Variants in NME5 observed in about 807,000 individuals in gnomAD.
NME5 encodes the protein nucleoside diphosphate kinase 5.
Under a neutral mutation model 21.6 loss-of-function variants are expected in NME5, and 18 were observed. That is an observed-to-expected ratio of 0.83 (90% CI 0.58 to 1.24). The LOEUF is 1.24. Among genes scored for constraint, NME5 ranks in the 50% most tolerant of loss-of-function variants. The pLI, the probability that NME5 is intolerant of heterozygous loss-of-function variation, is 0.00. For missense variants in NME5, 223 were observed against 255.4 expected, an observed-to-expected ratio of 0.87 and a Z score of 0.86; for synonymous variants, 70 against 80.6, an observed-to-expected ratio of 0.87 and a Z score of 0.71.
intron 2 of NME5, among the ~76,000 whole-genome samples, chr5:138,133,674 G>A (rs1331882273): frequency 2.0e-5 from 3 of 152,130 alleles, no homozygotes; most frequent in African/African-American, 4.8e-5. Context: ...TTTCCCTTAA[G>A]TGGGACAGGA....
chr5:138,132,946 T>G (rs435570), intron 2 of NME5, among the ~76,000 whole-genome samples: 45,043 of 152,016 alleles, frequency 0.3, 7,591 homozygotes, highest in South Asian at 0.43. Flanking sequence ...TAGCGTTTTT[T>G]TTTTTTGTTT....
intron 2 of NME5, among the ~76,000 whole-genome samples, chr5:138,134,941 G>C (rs1156428884): frequency 1.3e-5 from 2 of 149,348 alleles, no homozygotes. Flanking sequence ...CTGACCTTGT[G>C]ATCTGCCCGC....
chr5:138,129,251 C>T lies in NME5; in HGVS notation c.335+12G>A. 6.3e-7 allele frequency: 1 copy of T among 1,592,540 alleles called. No homozygotes were observed. Among genetic ancestry groups the T allele is most frequent in the Non-Finnish European group, 8.6e-7 (1 of 1,160,626 alleles). On this transcript the variant is annotated intron_variant, in intron 3 of 5. Coordinates refer to ENST00000265191, the MANE Select transcript of NME5 (RefSeq NM_003551.3). The stretch of plus-strand genomic sequence containing the variant: ...TTCCATTCCCTGCCATCCCCCAAAC[C>T]CTGAAAATTACCTGTCTGGATGTGT...
chr5:138,131,204 T>TAAAAAAAAAAAAAAAAA (rs762579967), intron 2 of NME5, among the ~76,000 whole-genome samples: 3 of 80,878 alleles, frequency 3.7e-5, no homozygotes, highest in African/African-American at 1.8e-4. Context: ...CCGTCTCTGC[T>TAAAAAAAAAAAAAAAAA]AAAAAAAAAA....
At chr5:138,122,642 A>G (rs534302366) in intron 4 of NME5, among the ~76,000 whole-genome samples, 305 of 150,250 alleles carry the variant, frequency 2.0e-3, no homozygotes, top group Middle Eastern at 6.9e-3. Context: ...CATTATGCCA[A>G]TTTATCAGGT....
intron 5 of NME5, chr5:138,116,802 A>C (rs1392992958): frequency 6.5e-6 from 1 of 153,804 alleles, no homozygotes; most frequent in Non-Finnish European, 1.5e-5. Context: ...AACAGATGGT[A>C]CTAGGACAAT....
At chr5:138,120,178 C>T (rs1421430825) in intron 4 of NME5, among the ~76,000 whole-genome samples, 3 of 151,648 alleles carry the variant, frequency 2.0e-5, no homozygotes, top group Non-Finnish European at 4.4e-5. Flanking sequence ...AATCCTCCCA[C>T]CTCAGCCTCC....
rs1358259341 is a variant in NME5, at chr5:138,139,354, C to G, written c.-6+17G>C. On this transcript the variant is annotated intron_variant, in intron 1 of 5. Coordinates refer to ENST00000265191, the MANE Select transcript of NME5 (RefSeq NM_003551.3). ...TGCACCTGCAAATTCTGAATTTGAC[C>G]CTCTCTAAGTACTCACCTCAGCGGC... The G allele has an allele frequency of 3.0e-6, 3 of 985,820 alleles. No homozygotes were observed. The African/African-American group carries it at 5.2e-5, about 17-fold the overall frequency. 61.1% of individuals were successfully genotyped at this position (985,820 alleles called of 1,614,324 possible). A position where few individuals can be genotyped will look rare whatever the true frequency, so the allele number is the denominator to read the frequency against.
intron 3 of NME5, among the ~76,000 whole-genome samples, chr5:138,128,998 T>G (rs1043594640): frequency 6.6e-6 from 1 of 152,208 alleles, no homozygotes; most frequent in African/African-American, 2.4e-5. Flanking sequence ...AGTGGCAGTT[T>G]AAAGGTTGAG....
At chr5:138,120,529 C>T (rs963083525) in intron 4 of NME5, among the ~76,000 whole-genome samples, 57 of 152,134 alleles carry the variant, frequency 3.7e-4, no homozygotes, top group African/African-American at 1.3e-3. Flanking sequence ...TGAGCCACCG[C>T]GCCCAGCCTC....
At chr5:138,116,765 T>C (rs1751166173) in intron 5 of NME5, 1 of 153,786 alleles carries the variant, frequency 6.5e-6, no homozygotes, top group Non-Finnish European at 1.5e-5. Context: ...TTGGTACCAC[T>C]GGACTTGGAG....
At chr5:138,127,688 G>A (rs1751454717) in intron 4 of NME5, 3 of 984,886 alleles carry the variant, frequency 3.0e-6, no homozygotes, top group South Asian at 4.7e-5. Flanking sequence ...ACTTCTCAAA[G>A]GTTTACAACT....
Position 138,115,384 on chromosome 5 carries a change from T to C in NME5, c.*297A>G, listed in dbSNP as rs1581372732. 4 of 202,548 alleles carry C rather than the reference T, an allele frequency of 2.0e-5. No homozygotes were observed. The East Asian group carries it at 4.8e-4, about 24-fold the overall frequency. The allele number at this position is 202,548 out of a possible 1,614,324, so 12.5% of individuals were successfully genotyped here. ...TAGGATATGTGCTTGGGAAAATGTA[T>C]AACTAAACTTTATGTCTTACTTCTC... On this transcript the variant is annotated 3_prime_UTR_variant, in exon 6 of 6. Coordinates refer to ENST00000265191, the MANE Select transcript of NME5 (RefSeq NM_003551.3).
In NME5 at chr5:138,129,312, G is replaced by T. The variant is rs1751504891; in HGVS notation, c.286C>A (p.Leu96Ile). The T allele has an allele frequency of 6.2e-7, 1 of 1,613,790 alleles. No individual in the cohort carries two copies. The highest frequency in any genetic ancestry group is 1.1e-5 in the South Asian group (1 of 91,080). The change falls in exon 3 of 6, where the codon CTT becomes ATT. Residue 96 changes from leucine (L) to isoleucine (I), a missense_variant. Coordinates refer to ENST00000265191, the MANE Select transcript of NME5 (RefSeq NM_003551.3). The stretch of plus-strand genomic sequence containing the variant: ...ACTAAGCTATTATTTGGTCCCAAAA[G>T]TTCTAACCAATAAGAGATGGCTTTA... The part of the protein sequence containing the change: ...RHKAISYWLE[L>I]LGPNNSLVAK...
At position 138,122,511 on chromosome 5, in the gene NME5, G is replaced by T. The variant is rs192585624; in HGVS notation, c.437-3575C>A. ...TATTATTTTTAATGTCATTGTGAAT[G>T]GAATTTTCCTTTTTACAGCTTTATT... On this transcript the variant is annotated intron_variant, in intron 4 of 5. Transcript: ENST00000265191. Among the ~76,000 whole-genome samples the T allele has an allele frequency of 2.0e-3, 296 of 147,432 alleles. 2 individuals carry two copies. The highest frequency in any genetic ancestry group is 6.9e-3 in the African/African-American group (276 of 39,862).
At chr5:138,119,039 TG>T (rs1751226414) in intron 4 of NME5, 103 bp from the exon 5 acceptor site, 9 of 685,756 alleles carry the variant, frequency 1.3e-5, no homozygotes, top group South Asian at 2.0e-5. Context: ...TTTTTTTATA[TG>T]TTTTTTTGAG....
chr5:138,117,678 G>A (rs1420817411), intron 5 of NME5, among the ~76,000 whole-genome samples: 2 of 151,806 alleles, frequency 1.3e-5, no homozygotes, highest in Admixed American at 6.6e-5. Context: ...CTACTAGCAT[G>A]GCTACAAAAA....
chr5:138,131,376 C>T (rs184801614), intron 2 of NME5, among the ~76,000 whole-genome samples: 5 of 149,630 alleles, frequency 3.3e-5, no homozygotes, highest in East Asian at 3.9e-4. Flanking sequence ...AGTGAAACTC[C>T]GTCAAAAAAA....
chr5:138,129,536 T>C (rs867145627), intron 2 of NME5, 68 bp from the exon 3 acceptor site: 2 of 1,129,662 alleles, frequency 1.8e-6, no homozygotes, highest in East Asian at 4.8e-5. Context: ...TTAAAATCAT[T>C]AGTAACTTGA....
Sources: gnomAD v4.1 joint callset for allele counts (sites outside exome capture counted in the v4.1 genomes callset) on GRCh38, gnomAD v4.1.1 for gene constraint, MANE v1.5 for transcripts, NCBI Gene and HGNC (gene_info 2026-07-23, HGNC 2026-07-21) for gene names.